CDH22: variants seen among roughly 807,000 people sequenced by gnomAD.
The protein encoded by CDH22 is cadherin-22.
CDH22 carries 30 observed loss-of-function variants against 58.4 expected under a neutral mutation model. The observed-to-expected ratio is 0.51, with a 90% CI of 0.38 to 0.70. The LOEUF (loss-of-function observed/expected upper bound fraction) is 0.70. CDH22 is among the 30% of genes least tolerant of loss of function. The probability of loss-of-function intolerance (pLI) is 0.00; values close to 1 mark genes in which losing one functional copy is unlikely to be tolerated. For missense variants in CDH22, 1,014 were observed against 1,233.9 expected (o/e 0.82, Z 2.67); for synonymous variants, 513 against 558.2 (o/e 0.92, Z 1.14).
At chr20:46,186,994 T>C (rs2085831273) in intron 8 of CDH22, 47 bp from the exon 9 acceptor site, 1 of 1,526,900 alleles carries the variant, frequency 6.5e-7, no homozygotes, top group African/African-American at 1.4e-5. Context: ...AAGTGGGAGA[T>C]CTAGATAGCC....
chr20:46,182,780 C>T (rs1307017100), intron 10 of CDH22, among the ~76,000 whole-genome samples: 1 of 152,220 alleles, frequency 6.6e-6, no homozygotes, highest in Admixed American at 6.5e-5. Flanking sequence ...ATTTATAAAT[C>T]ACGTTTCCAA....
chr20:46,272,000 G>A (rs574658871), intron 1 of CDH22, among the ~76,000 whole-genome samples: 1 of 152,264 alleles, frequency 6.6e-6, no homozygotes, highest in East Asian at 1.9e-4. Context: ...CTCTTCTCTG[G>A]GGTTTTCCAT....
At chr20:46,206,009 C>T (rs1403397194) in intron 7 of CDH22, among the ~76,000 whole-genome samples, 2 of 152,202 alleles carry the variant, frequency 1.3e-5, no homozygotes, top group Non-Finnish European at 2.9e-5. Flanking sequence ...ATAAACTACT[C>T]ACCCCTCCCT....
intron 3 of CDH22, among the ~76,000 whole-genome samples, chr20:46,231,777 G>A (rs2086221992): frequency 6.6e-6 from 1 of 152,188 alleles, no homozygotes; most frequent in Non-Finnish European, 1.5e-5. Flanking sequence ...GACTGGGTGG[G>A]CTTTGGCATC....
At chr20:46,238,418 T>C (rs1600711490) in intron 3 of CDH22, among the ~76,000 whole-genome samples, 5 of 152,234 alleles carry the variant, frequency 3.3e-5, no homozygotes, top group South Asian at 2.1e-4. Context: ...TGAAATTCCA[T>C]ATGTCTTTGC....
At chr20:46,272,293 C>A (rs2086495003) in intron 1 of CDH22, among the ~76,000 whole-genome samples, 3 of 152,180 alleles carry the variant, frequency 2.0e-5, no homozygotes, top group South Asian at 4.2e-4. Context: ...GGGGAGGCAG[C>A]AAGAGTTCCT....
At chr20:46,255,475 C>G (rs187093563) in intron 1 of CDH22, among the ~76,000 whole-genome samples, 1 of 152,326 alleles carries the variant, frequency 6.6e-6, no homozygotes, top group East Asian at 1.9e-4. Flanking sequence ...AACCCAGTGT[C>G]GGAGTCACAA....
intron 11 of CDH22, among the ~76,000 whole-genome samples, chr20:46,175,378 G>A (rs1455876733): frequency 2.0e-5 from 3 of 152,140 alleles, no homozygotes; most frequent in Non-Finnish European, 2.9e-5. Context: ...GAGGCCTGAG[G>A]TCTCCCTTCT....
intron 3 of CDH22, among the ~76,000 whole-genome samples, chr20:46,234,619 A>T (rs933836996): frequency 1.3e-5 from 2 of 152,224 alleles, no homozygotes; most frequent in Non-Finnish European, 2.9e-5. Flanking sequence ...CCGTTTCCAC[A>T]TTCTGTTGAG....
At chr20:46,213,398 C>A (rs1171970086) in intron 5 of CDH22, among the ~76,000 whole-genome samples, 1 of 152,156 alleles carries the variant, frequency 6.6e-6, no homozygotes, top group Non-Finnish European at 1.5e-5. Context: ...TAAATTCTGA[C>A]CTTTGGGTTT....
At chr20:46,235,250 T>C (rs974154589) in intron 3 of CDH22, among the ~76,000 whole-genome samples, 5 of 152,242 alleles carry the variant, frequency 3.3e-5, no homozygotes, top group African/African-American at 1.2e-4. Context: ...GGAGTTGAGC[T>C]GGGTGTGGGA....
rs184723252 is a variant in CDH22 at position 46,304,455 on chromosome 20, G to A, written c.-400+3800C>T. On this transcript the variant is annotated intron_variant, in intron 1 of 11. Transcript: ENST00000537909. ...AGAAACTAAGGCTCAGAGAGGTAAA[G>A]TAACTTGCCAGCAAGTCACAAACTC... 8.9e-4 allele frequency among the ~76,000 whole-genome samples: 136 copies of A among 152,348 alleles called. 1 individual carries two copies. Among genetic ancestry groups the A allele is most frequent in the Non-Finnish European group, 1.4e-3 (96 of 68,032 alleles).
chr20:46,234,215 A>G (rs1188434802), intron 3 of CDH22, among the ~76,000 whole-genome samples: 1 of 152,168 alleles, frequency 6.6e-6, no homozygotes, highest in Non-Finnish European at 1.5e-5. Flanking sequence ...GGCTGAAATG[A>G]TATTAGGGAT....
intron 3 of CDH22, among the ~76,000 whole-genome samples, chr20:46,235,060 TG>T (rs2086243795): frequency 6.6e-6 from 1 of 152,258 alleles, no homozygotes; most frequent in Non-Finnish European, 1.5e-5. Flanking sequence ...TTGTGTATAA[TG>T]GGTGCTAATA....
intron 1 of CDH22, among the ~76,000 whole-genome samples, chr20:46,255,520 A>G (rs948980827): frequency 1.3e-5 from 2 of 152,192 alleles, no homozygotes; most frequent in African/African-American, 4.8e-5. Context: ...TTGTGAGGGC[A>G]CAATCTGTAC....
intron 1 of CDH22, among the ~76,000 whole-genome samples, chr20:46,266,363 T>C (rs1233878722): frequency 6.6e-6 from 1 of 152,154 alleles, no homozygotes; most frequent in Non-Finnish European, 1.5e-5. Flanking sequence ...AGCCTCAGCC[T>C]CAGCTCTGCT....
chr20:46,252,934 G>A (rs544147850), intron 1 of CDH22, among the ~76,000 whole-genome samples: 2 of 152,198 alleles, frequency 1.3e-5, no homozygotes, highest in East Asian at 1.9e-4. Context: ...TGGAGGAGGC[G>A]GCATCTGAGC....
chr20:46,250,957 C>A, intron 2 of CDH22, 83 bp downstream of exon 2: 2 of 827,268 alleles, frequency 2.4e-6, no homozygotes, highest in Middle Eastern at 3.0e-4. Flanking sequence ...TTTAAAAGGG[C>A]AGGTGAACAA....
chr20:46,174,854 G>GCCCCC lies in CDH22; in HGVS notation c.2134_2138dup (p.Ser714GlyfsTer192). 1 of 1,113,908 alleles carries GCCCCC rather than the reference G, an allele frequency of 9.0e-7. No individual in the cohort carries two copies. Among genetic ancestry groups the GCCCCC allele is most frequent in the Non-Finnish European group, 1.2e-6 (1 of 858,962 alleles). 69.0% of individuals were successfully genotyped at this position (1,113,908 alleles called of 1,614,324 possible). The stretch of plus-strand genomic sequence containing the variant: ...GGGGGCTGCCCGCGCCCCCGCCCGA[G>GCCCCC]CCCCCGCCCGCTCCCCCGCCCGCGC... On this transcript the variant is annotated frameshift_variant, in exon 12 of 12. Transcript: ENST00000537909. LOFTEE classifies it low-confidence loss of function (END_TRUNC). This position sits in a 1 kb window ranked among gnomAD's most constrained non-coding sequence, Gnocchi z 4.4.
Sources: allele counts gnomAD v4.1 joint callset (sites outside exome capture counted in the v4.1 genomes callset), GRCh38; gene constraint gnomAD v4.1.1; non-coding constraint Gnocchi (gnomAD v3.1); transcripts MANE v1.5; gene names NCBI Gene and HGNC (gene_info 2026-07-23, HGNC 2026-07-21).